Variants in SAP18 observed in about 807,000 individuals in gnomAD.
SAP18 encodes the protein histone deacetylase complex subunit SAP18.
SAP18 carries 4 observed loss-of-function variants against 18.6 expected under a neutral mutation model. The ratio of observed to expected loss-of-function variants is 0.21; its 90% CI spans 0.11 to 0.49. The LOEUF (loss-of-function observed/expected upper bound fraction) is 0.49. Ranked by LOEUF, SAP18 falls within the 20% of genes least tolerant of loss-of-function variation. The pLI is 0.98. For missense variants in SAP18, 170 were observed against 226.4 expected (o/e 0.75, Z 1.60); for synonymous variants, 112 against 82.8 (o/e 1.35, Z -1.92).
intron 1 of SAP18, 45 bp downstream of exon 1, chr13:21,140,726 G>T: frequency 1.2e-6 from 2 of 1,600,354 alleles, no homozygotes; most frequent in Non-Finnish European, 1.7e-6. Context: ...GGTTGGGGAT[G>T]AGTCCCGCAG....
At chr13:21,140,401 G>T (rs1869400058), upstream of SAP18, 2 of 791,570 alleles carry the variant, frequency 2.5e-6, no homozygotes, top group Non-Finnish European at 3.9e-6. Context: ...CCCCGCGGAC[G>T]TCAGCACCCG....
intron 2 of SAP18, chr13:21,141,453 AC>A (rs1869461065): frequency 5.8e-6 from 1 of 173,862 alleles, no homozygotes; most frequent in Non-Finnish European, 1.3e-5. Context: ...AAAATAAACT[AC>A]CAAAACCCGA....
At chr13:21,140,537 G>A in exon 1 of SAP18, 5 of 1,571,492 alleles carry the variant, frequency 3.2e-6, no homozygotes, top group African/African-American at 1.4e-5. Flanking sequence ...TTCTCCTCGC[G>A]AGAGACTTAG....
At chr13:21,143,263 T>C (rs527984062) in intron 2 of SAP18, among the ~76,000 whole-genome samples, 1 of 152,350 alleles carries the variant, frequency 6.6e-6, no homozygotes, top group Non-Finnish European at 1.5e-5. Flanking sequence ...ATGTTAACTT[T>C]GTTTAATTTT....
exon 1 of SAP18, chr13:21,140,581 G>T (rs1205129418): frequency 1.9e-6 from 3 of 1,606,298 alleles, no homozygotes; most frequent in Admixed American, 1.7e-5. Context: ...GGAGGTCAGG[G>T]CGAGCGTCTC....
intron 2 of SAP18, among the ~76,000 whole-genome samples, chr13:21,142,945 T>C (rs1018722591): frequency 9.9e-5 from 15 of 152,208 alleles, no homozygotes; most frequent in African/African-American, 3.6e-4. Context: ...GTATTATCTG[T>C]CCATATATGA....
chr13:21,142,376 G>T (rs1050223974), intron 2 of SAP18, among the ~76,000 whole-genome samples: 2 of 151,664 alleles, frequency 1.3e-5, no homozygotes, highest in Non-Finnish European at 2.9e-5. Context: ...ACCCAGGCTG[G>T]AGTGCAGTGG....
exon 4 of SAP18, chr13:21,147,373 TC>T: frequency 6.3e-7 from 1 of 1,580,502 alleles, no homozygotes; most frequent in Non-Finnish European, 8.6e-7. Flanking sequence ...AATTTATTTT[TC>T]CGTCAGTTAT....
chr13:21,147,176 T>C lies in SAP18; in HGVS notation c.363-10T>C, dbSNP rs1277496189. The stretch of plus-strand genomic sequence containing the variant: ...TTGGATCCATTAACAGTTGATTTTC[T>C]TTCTTACAGAGTTAAGGAGATTGGC... On this transcript the variant is annotated splice_polypyrimidine_tract_variant and intron_variant, in intron 3 of 3. Coordinates refer to ENST00000621421, the Ensembl canonical transcript of SAP18. 1 of 1,604,726 alleles carries C rather than the reference T, an allele frequency of 6.2e-7. No homozygotes were observed. The highest frequency in any genetic ancestry group is 8.5e-7 in the Non-Finnish European group (1 of 1,176,522).
At chr13:21,148,678 A>T (rs1026150211) in exon 4 of SAP18, 1 of 149,476 alleles carries the variant, frequency 6.7e-6, no homozygotes, top group East Asian at 2.0e-4. Flanking sequence ...TTGTTTATTC[A>T]TTCAGATTAG....
exon 4 of SAP18, chr13:21,148,761 T>TG (rs1221142107): frequency 8.2e-6 from 1 of 121,866 alleles, no homozygotes; most frequent in Admixed American, 9.5e-5. Context: ...CTATTCGTGG[T>TG]GGGGGTGGGG....
chr13:21,140,410 C>T, upstream of SAP18: 4 of 891,488 alleles, frequency 4.5e-6, no homozygotes, highest in South Asian at 1.8e-5. Flanking sequence ...CGTCAGCACC[C>T]GCCTTTTCCC....
exon 4 of SAP18, chr13:21,148,097 T>G (rs1466933824): frequency 6.6e-6 from 1 of 151,736 alleles, no homozygotes; most frequent in East Asian, 1.9e-4. Context: ...GAGTAGGAGG[T>G]GTTCACACAT....
exon 1 of SAP18, chr13:21,140,566 G>C (rs908412190): frequency 2.5e-6 from 4 of 1,599,538 alleles, no homozygotes; most frequent in Non-Finnish European, 3.4e-6. Context: ...CTCGCTGCAG[G>C]GGTCGGAGGT....
At chr13:21,149,017 C>T (rs1869754319) in exon 4 of SAP18, 1 of 152,082 alleles carries the variant, frequency 6.6e-6, no homozygotes. Context: ...GTAAGTGTGG[C>T]TTTGAGTAAT....
chr13:21,147,399 CTCT>C, exon 4 of SAP18: 2 of 1,430,550 alleles, frequency 1.4e-6, no homozygotes, highest in Non-Finnish European at 1.9e-6. Flanking sequence ...AATAAACATA[CTCT>C]TCTTCCTCCC....
At chr13:21,141,135 G>A (rs1438748942) in intron 2 of SAP18, 140 bp downstream of exon 2, 1 of 637,722 alleles carries the variant, frequency 1.6e-6, no homozygotes, top group Non-Finnish European at 2.8e-6. Flanking sequence ...CTTTCAGGAA[G>A]TTAGAAGTTT....
chr13:21,141,028 G>C, intron 2 of SAP18, 33 bp downstream of exon 2: 1 of 1,380,906 alleles, frequency 7.2e-7, no homozygotes, highest in Non-Finnish European at 1.0e-6. Flanking sequence ...AGGGACCCGG[G>C]CCGGGAACCT....
At chr13:21,140,654 G>T (rs1003849675) in exon 1 of SAP18, 2 of 1,612,758 alleles carry the variant, frequency 1.2e-6, no homozygotes, top group East Asian at 2.2e-5. Flanking sequence ...TTAAGAAGGA[G>T]CCAGAGAAAC....
Sources: gnomAD v4.1 joint callset for allele counts (sites outside exome capture counted in the v4.1 genomes callset) on GRCh38, gnomAD v4.1.1 for gene constraint, MANE v1.5 for transcripts, NCBI Gene and HGNC (gene_info 2026-07-23, HGNC 2026-07-21) for gene names.